Variants in RERE observed in about 807,000 individuals in gnomAD.
The protein encoded by RERE is arginine-glutamic acid dipeptide repeats protein.
Under a neutral mutation model 146.1 loss-of-function variants are expected in RERE, and 40 were observed. The ratio of observed to expected loss-of-function variants is 0.27; its 90% CI spans 0.21 to 0.36. The LOEUF is 0.36. RERE is among the 10% of genes least tolerant of loss of function. The pLI, the probability that RERE is intolerant of heterozygous loss-of-function variation, is 1.00. For synonymous variants in RERE, 1,003 were observed against 866.0 expected (o/e 1.16, Z -2.78); for missense variants, 1,933 against 2,138.7 (o/e 0.90, Z 1.90).
chr1:8,530,679 C>CTTT (rs1197212764), intron 7 of RERE, among the ~76,000 whole-genome samples: 1,119 of 96,868 alleles, frequency 0.012, 26 homozygotes, highest in Middle Eastern at 0.024. Flanking sequence ...TTTTCGTTTT[C>CTTT]TTTTTTTTTT....
chr1:8,517,712 A>C (rs1359590344), intron 7 of RERE, among the ~76,000 whole-genome samples: 3 of 152,310 alleles, frequency 2.0e-5, no homozygotes, highest in Non-Finnish European at 2.9e-5. Flanking sequence ...AATCTGATAC[A>C]AAAAAACCCC....
At chr1:8,565,081 T>A (rs888338082) in intron 4 of RERE, among the ~76,000 whole-genome samples, 1 of 151,950 alleles carries the variant, frequency 6.6e-6, no homozygotes, top group Non-Finnish European at 1.5e-5. Flanking sequence ...GTGGGGGGAA[T>A]GGGGAGCTAA....
At chr1:8,404,136 A>T (rs12741595) in intron 12 of RERE, among the ~76,000 whole-genome samples, 4,627 of 151,106 alleles carry the variant, frequency 0.031, 135 homozygotes, top group African/African-American at 0.077. Context: ...GCTTTTTTTT[A>T]AAAAAAATAG....
intron 4 of RERE, among the ~76,000 whole-genome samples, chr1:8,569,194 A>C (rs1646187908): frequency 6.6e-6 from 1 of 151,318 alleles, no homozygotes; most frequent in Admixed American, 6.6e-5. Flanking sequence ...GTAATAAGAA[A>C]TTGTCAAATT....
At chr1:8,775,998 C>T (rs1248593365) in intron 1 of RERE, among the ~76,000 whole-genome samples, 1 of 152,192 alleles carries the variant, frequency 6.6e-6, no homozygotes, top group Non-Finnish European at 1.5e-5. Context: ...CACACTGCCT[C>T]TCAAACCCAG....
At chr1:8,619,778 T>C (rs1192105520) in intron 3 of RERE, among the ~76,000 whole-genome samples, 3 of 152,220 alleles carry the variant, frequency 2.0e-5, no homozygotes, top group African/African-American at 7.2e-5. Flanking sequence ...AATATGATTT[T>C]ATTGTTTTTC....
At chr1:8,793,678 G>A (rs1048688736) in intron 1 of RERE, among the ~76,000 whole-genome samples, 1 of 152,214 alleles carries the variant, frequency 6.6e-6, no homozygotes, top group Non-Finnish European at 1.5e-5. Context: ...AGTCAGGACC[G>A]TTCAGAGGGC....
At chr1:8,620,060 G>A (rs2124212635) in intron 3 of RERE, among the ~76,000 whole-genome samples, 1 of 152,268 alleles carries the variant, frequency 6.6e-6, no homozygotes, top group Non-Finnish European at 1.5e-5. Context: ...TGCACTCTGT[G>A]ATATAATGCT....
At chr1:8,366,510 G>A (rs925924428) in intron 12 of RERE, among the ~76,000 whole-genome samples, 1 of 152,164 alleles carries the variant, frequency 6.6e-6, no homozygotes, top group African/African-American at 2.4e-5. Flanking sequence ...GAGGAACCAG[G>A]GCCAAACAGA....
chr1:8,660,885 C>T (rs572706695), intron 1 of RERE, among the ~76,000 whole-genome samples: 2 of 152,296 alleles, frequency 1.3e-5, no homozygotes, highest in Non-Finnish European at 2.9e-5. Context: ...TTACAACAAG[C>T]TTCAGCTACT....
intron 2 of RERE, among the ~76,000 whole-genome samples, chr1:8,627,418 A>G (rs935571078): frequency 3.3e-5 from 5 of 152,100 alleles, no homozygotes; most frequent in African/African-American, 9.7e-5. Flanking sequence ...CCTGACCAAC[A>G]TGGTGAAACC....
intron 1 of RERE, among the ~76,000 whole-genome samples, chr1:8,778,509 TAC>T (rs985464951): frequency 6.6e-5 from 10 of 152,220 alleles, no homozygotes; most frequent in African/African-American, 2.2e-4. Context: ...CTTCATTTTT[TAC>T]AGAGTTTAAA....
chr1:8,720,584 G>C (rs1394995911), intron 1 of RERE, among the ~76,000 whole-genome samples: 5 of 152,258 alleles, frequency 3.3e-5, no homozygotes, highest in African/African-American at 4.8e-5. Flanking sequence ...CGAGCCGGCA[G>C]GACTAGAACA....
At chr1:8,746,313 A>G (rs1640419488) in intron 1 of RERE, among the ~76,000 whole-genome samples, 1 of 152,138 alleles carries the variant, frequency 6.6e-6, no homozygotes, top group African/African-American at 2.4e-5. Flanking sequence ...CTACCACTTC[A>G]TATGGGGACC....
chr1:8,487,119 A>G (rs1209559004), intron 10 of RERE, among the ~76,000 whole-genome samples: 2 of 152,234 alleles, frequency 1.3e-5, no homozygotes, highest in Non-Finnish European at 2.9e-5. Flanking sequence ...CAGTTCCTTC[A>G]TATTTGAAAT....
At position 8,726,224 on chromosome 1, in the gene RERE, G is replaced by A. The variant is rs1272081758; in HGVS notation, c.-144-69783C>T. Among the ~76,000 whole-genome samples the A allele has an allele frequency of 5.7e-5, 8 of 141,278 alleles. No homozygotes were observed. The East Asian group carries it at 8.2e-4, about 15-fold the overall frequency. The allele number at this position is 141,278 out of a possible 152,430, so 92.7% of individuals were successfully genotyped here. ...GGCTGGAGTGCAGCAGCGTAATTTCGGCTCACTGCAAGCTCCACCTCCCGA... is the reference window on the plus strand; with the variant it reads ...GGCTGGAGTGCAGCAGCGTAATTTCAGCTCACTGCAAGCTCCACCTCCCGA... On this transcript the variant is annotated intron_variant, in intron 1 of 22. Transcript: ENST00000400908.
At chr1:8,494,401 C>T (rs998180017) in intron 10 of RERE, among the ~76,000 whole-genome samples, 4 of 152,110 alleles carry the variant, frequency 2.6e-5, no homozygotes, top group Non-Finnish European at 4.4e-5. Context: ...TCTCTCTCAA[C>T]TTATTTCCTT....
At chr1:8,699,350 T>C (rs1318307723) in intron 1 of RERE, among the ~76,000 whole-genome samples, 1 of 152,192 alleles carries the variant, frequency 6.6e-6, no homozygotes, top group African/African-American at 2.4e-5. Flanking sequence ...TATTTACCAC[T>C]ACGCTGTACT....
At position 8,440,452 on chromosome 1, in the gene RERE, G is replaced by A. The variant is rs573420353; in HGVS notation, c.1204-17645C>T. On this transcript the variant is annotated intron_variant, in intron 11 of 22. Coordinates refer to ENST00000400908, the MANE Select transcript of RERE (RefSeq NM_001042681.2). ...TAAAAATACAAACAATTAGCTGGGC[G>A]TGGTGGCGCATGCCTGTAATCCCAG... Among the ~76,000 whole-genome samples the A allele has an allele frequency of 2.4e-4, 36 of 150,894 alleles. No homozygotes were observed. The South Asian group carries it at 4.4e-3, about 19-fold the overall frequency.
Sources: allele counts gnomAD v4.1 joint callset (sites outside exome capture counted in the v4.1 genomes callset), GRCh38; gene constraint gnomAD v4.1.1; transcripts MANE v1.5; gene names NCBI Gene and HGNC (gene_info 2026-07-23, HGNC 2026-07-21).